ADCY9: variants seen among roughly 807,000 people sequenced by gnomAD.
ADCY9 encodes the protein adenylate cyclase 9.
A neutral mutation model predicts 101.5 loss-of-function variants in ADCY9; 50 were observed. The ratio of observed to expected loss-of-function variants is 0.49; its 90% CI spans 0.39 to 0.62. The LOEUF is 0.62. Among genes scored for constraint, ADCY9 ranks in the 20% least tolerant of loss-of-function variants. The pLI is 0.00. For missense variants in ADCY9, 1,662 were observed against 1,800.4 expected, an observed-to-expected ratio of 0.92 and a Z score of 1.39; for synonymous variants, 905 against 769.3, an observed-to-expected ratio of 1.18 and a Z score of -2.92.
At chr16:4,008,561 A>AGGGTCCC (rs1331980779) in intron 2 of ADCY9, among the ~76,000 whole-genome samples, 6 of 150,840 alleles carry the variant, frequency 4.0e-5, no homozygotes, top group African/African-American at 1.2e-4. Flanking sequence ...TGAACAAAGC[A>AGGGTCCC]GGGTCCCTTC....
At chr16:4,097,233 G>A (rs2057009302) in intron 2 of ADCY9, among the ~76,000 whole-genome samples, 1 of 151,642 alleles carries the variant, frequency 6.6e-6, no homozygotes, top group African/African-American at 2.4e-5. Flanking sequence ...ACACTCTGGC[G>A]CCCCTGGGCC....
chr16:4,067,820 G>C (rs190542062), intron 2 of ADCY9, among the ~76,000 whole-genome samples: 145 of 152,268 alleles, frequency 9.5e-4, no homozygotes, highest in African/African-American at 3.3e-3. Flanking sequence ...CATTTACTTT[G>C]TGAATTTGTA....
At chr16:4,085,188 C>G (rs892770617) in intron 2 of ADCY9, among the ~76,000 whole-genome samples, 1 of 152,140 alleles carries the variant, frequency 6.6e-6, no homozygotes, top group Non-Finnish European at 1.5e-5. Context: ...ATGGCCAAAC[C>G]CTGTCTCTAC....
chr16:4,060,135 TAAACA>T (rs2056765968), intron 2 of ADCY9, among the ~76,000 whole-genome samples: 1 of 152,036 alleles, frequency 6.6e-6, no homozygotes, highest in African/African-American at 2.4e-5. Context: ...TGATTTCCTG[TAAACA>T]ACAGGAAATG....
intron 3 of ADCY9, among the ~76,000 whole-genome samples, chr16:3,995,458 T>C (rs2056279345): frequency 1.3e-5 from 2 of 152,126 alleles, no homozygotes; most frequent in South Asian, 4.1e-4. Context: ...GAAATAAGTA[T>C]ATATATAGCC....
chr16:4,067,476 T>G (rs1391522935), intron 2 of ADCY9, among the ~76,000 whole-genome samples: 1 of 152,148 alleles, frequency 6.6e-6, no homozygotes, highest in African/African-American at 2.4e-5. Flanking sequence ...CAGACCAAGA[T>G]GGGTCTGGGT....
At chr16:3,976,445 G>A (rs908903662) in intron 9 of ADCY9, among the ~76,000 whole-genome samples, 1 of 152,156 alleles carries the variant, frequency 6.6e-6, no homozygotes, top group Non-Finnish European at 1.5e-5. Context: ...ACAATGATGA[G>A]AACTGGGCTT....
chr16:3,992,490 T>C lies in ADCY9; in HGVS notation c.1990-127A>G. 1 of 822,394 alleles carries C rather than the reference T, an allele frequency of 1.2e-6. No homozygotes were observed. The highest frequency in any genetic ancestry group is 1.9e-6 in the Non-Finnish European group (1 of 530,064). 50.9% of individuals were successfully genotyped at this position (822,394 alleles called of 1,614,324 possible). A position where few individuals can be genotyped will look rare whatever the true frequency, so the allele number is the denominator to read the frequency against. On this transcript the variant is annotated intron_variant, in intron 4 of 10. Transcript: ENST00000294016. This position sits in a 1 kb window ranked among gnomAD's most constrained non-coding sequence, Gnocchi z 4.2. ...GCACTGGGCGTGGGACTTTCTGACCTGCGAGGAACCCCCACCCCCCTGCGC... is the reference window on the plus strand; with the variant it reads ...GCACTGGGCGTGGGACTTTCTGACCCGCGAGGAACCCCCACCCCCCTGCGC...
In ADCY9 at chr16:3,992,330, C is replaced by G; in HGVS notation, c.2023G>C (p.Gly675Arg). Residue 675 changes from glycine (G) to arginine (R), a missense_variant, in exon 5 of 11, where the codon GGG becomes CGG. This residue lies in a region of ADCY9 where 624 missense variants were observed against 639.1 expected (regional missense o/e 0.98). Transcript: ENST00000294016. This position sits in a 1 kb window ranked among gnomAD's most constrained non-coding sequence, Gnocchi z 4.2. Reference protein sequence around the residue: ...SGGPNPKTQNGLLSPPQEEKL... With the variant: ...SGGPNPKTQNRLLSPPQEEKL... ...TCCTCTTGGGGAGGGCTGAGGAGCC[C>G]GTTCTGAGTTTTGGGATTAGGTCCT... The G allele has an allele frequency of 6.2e-7, 1 of 1,614,040 alleles. No homozygotes were observed. The highest frequency in any genetic ancestry group is 1.1e-5 in the South Asian group (1 of 91,054).
chr16:4,019,934 C>T (rs913351676), intron 2 of ADCY9, among the ~76,000 whole-genome samples: 17 of 152,124 alleles, frequency 1.1e-4, no homozygotes, highest in Non-Finnish European at 1.6e-4. Context: ...AAAAATTAAC[C>T]GGGCGTGGTG....
intron 2 of ADCY9, among the ~76,000 whole-genome samples, chr16:4,090,018 C>T (rs1365471914): frequency 6.6e-6 from 1 of 152,114 alleles, no homozygotes; most frequent in Non-Finnish European, 1.5e-5. Flanking sequence ...GGCTGCTTAA[C>T]AGCTTGGCAG....
intron 2 of ADCY9, among the ~76,000 whole-genome samples, chr16:4,075,643 A>C (rs1286864662): frequency 2.0e-5 from 3 of 152,158 alleles, no homozygotes; most frequent in African/African-American, 7.2e-5. Context: ...AATGTTGCAA[A>C]ATGTGTCCTG....
chr16:4,006,270 C>A (rs561385347), intron 3 of ADCY9, among the ~76,000 whole-genome samples: 7 of 151,212 alleles, frequency 4.6e-5, no homozygotes, highest in Admixed American at 1.3e-4. Context: ...CCCCACAACA[C>A]ATGACTACCT....
chr16:4,012,475 C>CAAAAA lies in ADCY9; in HGVS notation c.1694-4922_1694-4918dup, dbSNP rs35681254. Among the ~76,000 whole-genome samples the CAAAAA allele has an allele frequency of 1.5e-4, 21 of 139,002 alleles. 1 individual carries two copies. Among genetic ancestry groups the CAAAAA allele is most frequent in the African/African-American group, 4.0e-4 (15 of 37,382 alleles). The allele number at this position is 139,002 out of a possible 152,430, so 91.2% of individuals were successfully genotyped here. Reference sequence around the variant, plus strand: ...AATGGCTCTTTTGCAGCAGAAGGTCCAAAAAAAAAAAAAAGACAGCTAAAT... The same window carrying CAAAAA: ...AATGGCTCTTTTGCAGCAGAAGGTCCAAAAAAAAAAAAAAAAAAAGACAGCTAAAT... On this transcript the variant is annotated intron_variant, in intron 2 of 10. Transcript: ENST00000294016.
Position 3,963,158 on chromosome 16 carries a change from A to T in ADCY9, c.*2617T>A. On this transcript the variant is annotated 3_prime_UTR_variant, in exon 11 of 11. Transcript: ENST00000294016. ...TATATATATATGGATATATAATTCG[A>T]TCTGAGCTGGGACTGAGAAGAAAAT... 1 of 270,982 alleles carries T rather than the reference A, an allele frequency of 3.7e-6. No homozygotes were observed. The highest frequency in any genetic ancestry group is 6.4e-6 in the Non-Finnish European group (1 of 155,742). The allele number at this position is 270,982 out of a possible 1,614,324, so 16.8% of individuals were successfully genotyped here.
At chr16:4,108,320 T>C (rs1216131986) in intron 2 of ADCY9, among the ~76,000 whole-genome samples, 1 of 148,342 alleles carries the variant, frequency 6.7e-6, no homozygotes, top group Non-Finnish European at 1.5e-5. Context: ...TCATCCCAAA[T>C]GCTGTGGAAG....
chr16:3,993,705 G>A (rs370078774), intron 3 of ADCY9, among the ~76,000 whole-genome samples, 195 bp from the exon 4 acceptor site: 2 of 152,142 alleles, frequency 1.3e-5, no homozygotes, highest in Non-Finnish European at 2.9e-5. Context: ...ACCCGGGCAC[G>A]AACGCAACAG....
At chr16:4,090,242 C>T (rs2056965035) in intron 2 of ADCY9, among the ~76,000 whole-genome samples, 1 of 152,138 alleles carries the variant, frequency 6.6e-6, no homozygotes, top group Non-Finnish European at 1.5e-5. Context: ...GGCGTCCAAC[C>T]TCACCCAGTT....
chr16:4,029,074 C>T lies in ADCY9; in HGVS notation c.1694-21516G>A, dbSNP rs564824246. ...CTGGGATTACAGACGTGAGCCACTG[C>T]GCCCGGCCTAGCTATATATTTTTTA... is the stretch of plus-strand genomic sequence containing the variant. On this transcript the variant is annotated intron_variant, in intron 2 of 10. Transcript: ENST00000294016. Among the ~76,000 whole-genome samples, 12 of 152,230 alleles carry T rather than the reference C, an allele frequency of 7.9e-5. No homozygotes were observed. The East Asian group carries it at 2.1e-3, about 27-fold the overall frequency.
Sources: allele counts gnomAD v4.1 joint callset (sites outside exome capture counted in the v4.1 genomes callset), GRCh38; gene constraint gnomAD v4.1.1; regional missense constraint gnomAD v4.1.1; non-coding constraint Gnocchi (gnomAD v3.1); transcripts MANE v1.5; gene names NCBI Gene and HGNC (gene_info 2026-07-23, HGNC 2026-07-21).